Variants in RBFOX1 observed in about 807,000 individuals in gnomAD.
RBFOX1 encodes the protein RNA binding fox-1 homolog 1.
Under a neutral mutation model 57.7 loss-of-function variants are expected in RBFOX1, and 8 were observed. That is an observed-to-expected ratio of 0.14 (90% confidence interval 0.08 to 0.25). The LOEUF is 0.25. RBFOX1 is among the 10% of genes least tolerant of loss of function. The pLI is 1.00. For synonymous variants in RBFOX1, 326 were observed against 222.4 expected (o/e 1.47, Z -4.15); for missense variants, 611 against 548.5 (o/e 1.11, Z -1.14).
rs574225283 is a variant in RBFOX1 at position 5,916,819 on chromosome 16, G to C, written c.351+49484G>C. On this transcript the variant is annotated intron_variant, in intron 4 of 19. Coordinates refer to the RBFOX1 transcript ENST00000641259. Reference sequence around the variant, plus strand: ...ACAACCCCTGGATTGAGCTGGGAGAGAGTCGGAAACCACATCCTCTTAGCC... The same window carrying C: ...ACAACCCCTGGATTGAGCTGGGAGACAGTCGGAAACCACATCCTCTTAGCC... Among the ~76,000 whole-genome samples, 10 of 152,274 alleles carry C rather than the reference G, an allele frequency of 6.6e-5. No homozygotes were observed. In the South Asian group the frequency reaches 2.1e-3, roughly 32 times the overall value.
At chr16:6,261,629 C>A (rs1261683959) in intron 1 of RBFOX1, among the ~76,000 whole-genome samples, 1 of 142,514 alleles carries the variant, frequency 7.0e-6, no homozygotes, top group South Asian at 2.4e-4. Context: ...ATGGTGTTTT[C>A]TTTGCCCATT....
chr16:5,515,224 G>A (rs2043747568), intron 2 of RBFOX1, among the ~76,000 whole-genome samples: 1 of 152,236 alleles, frequency 6.6e-6, no homozygotes, highest in African/African-American at 2.4e-5. Flanking sequence ...TGTATCAGGT[G>A]GCCTGTGCCT....
chr16:6,105,351 G>A (rs1015315337), intron 1 of RBFOX1, among the ~76,000 whole-genome samples: 13 of 151,970 alleles, frequency 8.6e-5, no homozygotes, highest in South Asian at 2.1e-4. Context: ...TGCATATACC[G>A]TGACTCAAAC....
rs2076500188 is a variant in RBFOX1, at chr16:6,931,334, TATCTCTAC to T, written c.-15-120721_-15-120714del. Among the ~76,000 whole-genome samples the T allele has an allele frequency of 1.6e-4, 21 of 134,696 alleles. No individual in the cohort carries two copies. The Middle Eastern group carries it at 0.021, about 136-fold the overall frequency. 88.4% of individuals were successfully genotyped at this position (134,696 alleles called of 152,430 possible). On this transcript the variant is annotated intron_variant, in intron 3 of 15. Transcript: ENST00000550418. ...CTATCTATCTATCTATCTATCTATC[TATCTCTAC>T]ACACACACACACACACACACATACA...
chr16:5,954,660 C>T (rs1315056547), intron 4 of RBFOX1, among the ~76,000 whole-genome samples: 3 of 152,124 alleles, frequency 2.0e-5, no homozygotes, highest in African/African-American at 7.2e-5. Context: ...GTTGGCAGAG[C>T]AGTCAGTAAT....
chr16:6,959,783 A>C (rs114503087), intron 3 of RBFOX1, among the ~76,000 whole-genome samples: 6,468 of 152,228 alleles, frequency 0.042, 180 homozygotes, highest in East Asian at 0.084. Flanking sequence ...CCAAAAGTAC[A>C]AAAATTAGCC....
chr16:7,033,870 G>A (rs1261284187), intron 3 of RBFOX1, among the ~76,000 whole-genome samples: 2 of 152,170 alleles, frequency 1.3e-5, no homozygotes, highest in Non-Finnish European at 1.5e-5. Context: ...TCAGGAGGCT[G>A]GGGCAGGAGG....
chr16:6,894,901 T>C (rs2066386387), intron 3 of RBFOX1, among the ~76,000 whole-genome samples: 1 of 152,152 alleles, frequency 6.6e-6, no homozygotes, highest in South Asian at 2.1e-4. Context: ...CATGTGGCTT[T>C]CTCAGCTAAA....
chr16:6,941,506 G>A (rs2078510185), intron 3 of RBFOX1, among the ~76,000 whole-genome samples: 1 of 151,946 alleles, frequency 6.6e-6, no homozygotes, highest in Non-Finnish European at 1.5e-5. Context: ...TTTCTTCCCA[G>A]TAAGGGGACC....
chr16:6,892,393 G>C (rs550035788), intron 3 of RBFOX1, among the ~76,000 whole-genome samples: 1 of 152,158 alleles, frequency 6.6e-6, no homozygotes, highest in Non-Finnish European at 1.5e-5. Flanking sequence ...TCTGAGACCA[G>C]GCATGGTGGC....
intron 3 of RBFOX1, among the ~76,000 whole-genome samples, chr16:7,043,226 G>T (rs1200253891): frequency 2.0e-5 from 3 of 152,112 alleles, no homozygotes; most frequent in African/African-American, 7.2e-5. Flanking sequence ...TCAGCAGGCT[G>T]GGTTGGTGCA....
chr16:6,964,840 C>G (rs1219658545), intron 3 of RBFOX1, among the ~76,000 whole-genome samples: 1 of 152,124 alleles, frequency 6.6e-6, no homozygotes, highest in Non-Finnish European at 1.5e-5. Flanking sequence ...TGGTTGAAAT[C>G]CCTGCTCCCA....
chr16:7,612,109 CAG>C (rs1162623020), intron 10 of RBFOX1, among the ~76,000 whole-genome samples: 2 of 151,940 alleles, frequency 1.3e-5, no homozygotes, highest in African/African-American at 4.8e-5. Context: ...ATCACGAGGT[CAG>C]GGGATTGAGA....
intron 3 of RBFOX1, among the ~76,000 whole-genome samples, chr16:6,791,050 C>T (rs975242166): frequency 5.9e-5 from 9 of 152,010 alleles, no homozygotes; most frequent in Non-Finnish European, 8.8e-5. Context: ...GGACCACAGG[C>T]ATGCCACCAC....
At chr16:6,895,799 A>G (rs2066755868) in intron 3 of RBFOX1, among the ~76,000 whole-genome samples, 1 of 152,020 alleles carries the variant, frequency 6.6e-6, no homozygotes, top group Non-Finnish European at 1.5e-5. Context: ...CCACTTCCCG[A>G]ATGTGAGACT....
intron 1 of RBFOX1, among the ~76,000 whole-genome samples, chr16:6,218,162 A>G (rs1252952981): frequency 6.6e-6 from 1 of 152,200 alleles, no homozygotes; most frequent in South Asian, 2.1e-4. Flanking sequence ...TGTTGAGCCC[A>G]CGTGCATTTT....
At chr16:5,492,643 G>A (rs953693387) in intron 2 of RBFOX1, among the ~76,000 whole-genome samples, 6 of 152,274 alleles carry the variant, frequency 3.9e-5, no homozygotes, top group South Asian at 4.1e-4. Context: ...TGAGTGAGTC[G>A]TTTGGATGAA....
chr16:7,338,253 T>C (rs2096830317), intron 4 of RBFOX1, among the ~76,000 whole-genome samples: 1 of 151,874 alleles, frequency 6.6e-6, no homozygotes, highest in South Asian at 2.1e-4. Context: ...ATGCCTTCTT[T>C]TCTCTCTGAG....
intron 4 of RBFOX1, among the ~76,000 whole-genome samples, chr16:7,487,273 C>G (rs1291431164): frequency 6.6e-6 from 1 of 152,198 alleles, no homozygotes; most frequent in African/African-American, 2.4e-5. Context: ...ATGGTATACT[C>G]CTTCCTCAAC....
Sources: gnomAD v4.1 joint callset for allele counts (sites outside exome capture counted in the v4.1 genomes callset) on GRCh38, gnomAD v4.1.1 for gene constraint, MANE v1.5 for transcripts, NCBI Gene and HGNC (gene_info 2026-07-23, HGNC 2026-07-21) for gene names.